FAM83E: variants seen among roughly 807,000 people sequenced by gnomAD.
FAM83E encodes protein FAM83E.
FAM83E carries 29 observed loss-of-function variants against 34.3 expected under a neutral mutation model. The observed-to-expected ratio is 0.85, with a 90% confidence interval of 0.63 to 1.15. The LOEUF (loss-of-function observed/expected upper bound fraction) is 1.15, where lower values mean the gene tolerates loss of function less well. Among genes scored for constraint, FAM83E ranks in the 50% most tolerant of loss-of-function variants. The pLI, the probability that FAM83E is intolerant of heterozygous loss-of-function variation, is 0.00. For synonymous variants in FAM83E, 312 were observed against 311.6 expected, an observed-to-expected ratio of 1.00 and a Z score of -0.01; for missense variants, 697 against 685.0, an observed-to-expected ratio of 1.02 and a Z score of -0.20.
At position 48,603,623 on chromosome 19, in the gene FAM83E, T is replaced by TGCCG; in HGVS notation, c.1043_1046dup (p.Leu350GlyfsTer4). ...GCACACTCCTTAGAATGTCACTGAG[T>TGCCG]GCCGGCCCCGGGGTAGCAGGGGAGA... On this transcript the variant is annotated frameshift_variant, in exon 6 of 7. Transcript: ENST00000263266. LOFTEE classifies it high-confidence loss of function. The TGCCG allele has an allele frequency of 5.6e-6, 8 of 1,422,272 alleles. No individual in the cohort carries two copies. Among genetic ancestry groups the TGCCG allele is most frequent in the Non-Finnish European group, 7.4e-6 (8 of 1,088,348 alleles). 88.1% of individuals were successfully genotyped at this position (1,422,272 alleles called of 1,614,324 possible).
chr19:48,603,969 C>G (rs1973882396), intron 5 of FAM83E, 58 bp from the exon 6 acceptor site: 1 of 1,540,728 alleles, frequency 6.5e-7, no homozygotes, highest in Non-Finnish European at 8.8e-7. Flanking sequence ...AGCCCGGCCC[C>G]CATCCTCAGC....
At chr19:48,605,139 G>T (rs766656352) in intron 5 of FAM83E, among the ~76,000 whole-genome samples, 5 of 152,056 alleles carry the variant, frequency 3.3e-5, no homozygotes, top group Admixed American at 6.6e-5. Flanking sequence ...GGAAAGAGAC[G>T]GAATTCACTT....
At position 48,614,334 on chromosome 19, in the gene FAM83E, G is replaced by A; in HGVS notation, c.-962C>T. 1 of 985,512 alleles carries A rather than the reference G, an allele frequency of 1.0e-6. No individual in the cohort carries two copies. Among genetic ancestry groups the A allele is most frequent in the Non-Finnish European group, 1.2e-6 (1 of 830,098 alleles). The allele number at this position is 985,512 out of a possible 1,614,324, so 61.0% of individuals were successfully genotyped here. A position where few individuals can be genotyped will look rare whatever the true frequency, so the allele number is the denominator to read the frequency against. ...CCTCAGGCTGGCTGCCCCTGCCTGG[G>A]GCCTGGCCCTGGGACCTGTTCCAGG... On this transcript the variant is annotated 5_prime_UTR_variant, in exon 3 of 7. Coordinates refer to ENST00000263266, the MANE Select transcript of FAM83E (RefSeq NM_017708.4).
intron 3 of FAM83E, among the ~76,000 whole-genome samples, chr19:48,612,213 A>T (rs1974053771): frequency 6.6e-6 from 1 of 152,098 alleles, no homozygotes; most frequent in Non-Finnish European, 1.5e-5. Context: ...AAGGCTGTGA[A>T]GTACACAGCA....
intron 6 of FAM83E, among the ~76,000 whole-genome samples, chr19:48,603,073 C>T (rs536158374): frequency 9.9e-5 from 15 of 151,672 alleles, no homozygotes; most frequent in African/African-American, 3.6e-4. Context: ...AGGCTGGTCT[C>T]GATCTCCCTG....
intron 6 of FAM83E, among the ~76,000 whole-genome samples, chr19:48,601,936 G>A (rs923311895): frequency 6.6e-6 from 1 of 151,450 alleles, no homozygotes; most frequent in Admixed American, 6.6e-5. Context: ...GAGCTCAGGA[G>A]TTCGAGACCA....
At position 48,602,707 on chromosome 19, in the gene FAM83E, ATATAT is replaced by A. The variant is rs1568417835; in HGVS notation, c.1176+782_1176+786del. On this transcript the variant is annotated intron_variant, in intron 6 of 6. Coordinates refer to ENST00000263266, the MANE Select transcript of FAM83E (RefSeq NM_017708.4). ...ATCTCAAAAAAAAAAAAAAAAAAAT[ATATAT>A]ATATATATATATATATATATATATA... Among the ~76,000 whole-genome samples, 135 of 29,124 alleles carry A rather than the reference ATATAT, an allele frequency of 4.6e-3. 7 individuals carry two copies. Among genetic ancestry groups the A allele is most frequent in the South Asian group, 0.023 (12 of 518 alleles). The allele number at this position is 29,124 out of a possible 152,430, so 19.1% of individuals were successfully genotyped here. A position where few individuals can be genotyped will look rare whatever the true frequency, so the allele number is the denominator to read the frequency against.
chr19:48,610,422 AAAG>A (rs1974020259), intron 4 of FAM83E, among the ~76,000 whole-genome samples: 1 of 151,246 alleles, frequency 6.6e-6, no homozygotes, highest in African/African-American at 2.4e-5. Flanking sequence ...AAAAAAAAAA[AAAG>A]AAGTATCTGT....
rs1206014769 is a variant in FAM83E, at chr19:48,602,154, AAAAAAAAAAAAT to A, written c.1177-797_1177-786del. ...GAGACCCTATCTCAAAAAAAAAAAA[AAAAAAAAAAAAT>A]GGGTGGAGGAGGTAAAAGAAGAGGA... On this transcript the variant is annotated intron_variant, in intron 6 of 6. Coordinates refer to ENST00000263266, the MANE Select transcript of FAM83E (RefSeq NM_017708.4). Among the ~76,000 whole-genome samples, 1,095 of 149,006 alleles carry A rather than the reference AAAAAAAAAAAAT, an allele frequency of 7.3e-3. 21 individuals carry two copies. Among genetic ancestry groups the A allele is most frequent in the African/African-American group, 0.026 (1,031 of 40,214 alleles).
chr19:48,614,474 A>G lies in FAM83E; in HGVS notation c.-1102T>C, dbSNP rs950842716. The G allele has an allele frequency of 8.1e-6, 8 of 985,192 alleles. No homozygotes were observed. The African/African-American group carries it at 1.1e-4, about 13-fold the overall frequency. 61.0% of individuals were successfully genotyped at this position (985,192 alleles called of 1,614,324 possible). On this transcript the variant is annotated 5_prime_UTR_variant, in exon 3 of 7. Transcript: ENST00000263266. Reference sequence around the variant, plus strand: ...TCTTCCCGGACAGGGGCCAGTCTCTATCTCGCCCTGTCTCCCTCCCAAGCC... The same window carrying G: ...TCTTCCCGGACAGGGGCCAGTCTCTGTCTCGCCCTGTCTCCCTCCCAAGCC...
intron 5 of FAM83E, 52 bp from the exon 6 acceptor site, chr19:48,603,963 C>T (rs568658668): frequency 6.4e-6 from 10 of 1,552,654 alleles, no homozygotes; most frequent in East Asian, 2.5e-5. Flanking sequence ...GGGCCCAGCC[C>T]GGCCCCCATC....
At position 48,603,710 on chromosome 19, in the gene FAM83E, C is replaced by T. The variant is rs1312846293; in HGVS notation, c.960G>A (p.Val320=). 2 of 1,406,314 alleles carry T rather than the reference C, an allele frequency of 1.4e-6. No homozygotes were observed. The highest frequency in any genetic ancestry group is 9.2e-7 in the Non-Finnish European group (1 of 1,081,634). The allele number at this position is 1,406,314 out of a possible 1,614,324, so 87.1% of individuals were successfully genotyped here. A position where few individuals can be genotyped will look rare whatever the true frequency, so the allele number is the denominator to read the frequency against. The change falls in exon 6 of 7, where the codon GTG becomes GTA. Residue 320 remains valine (V), a synonymous_variant. Transcript: ENST00000263266. ...CAGGCGGCGGAGGCGACGCGGGGGC[C>T]ACGGAGCGGCGGCGGGACACGCGGT... ...SPHRVSRRRS[V]APASPPPPDG...
intron 3 of FAM83E, 59 bp from the exon 4 acceptor site, chr19:48,610,906 A>C: frequency 6.6e-7 from 1 of 1,519,478 alleles, no homozygotes; most frequent in Non-Finnish European, 8.9e-7. Context: ...GGGGACACTC[A>C]GAGGGTGTGG....
intron 5 of FAM83E, 143 bp from the exon 6 acceptor site, chr19:48,604,054 G>T: frequency 1.3e-6 from 1 of 782,664 alleles, no homozygotes. Flanking sequence ...TCTGTAGAAT[G>T]GGCACAACTG....
Position 48,610,705 on chromosome 19 carries a change from A to C in FAM83E, c.608T>G (p.Leu203Arg). 6.3e-7 allele frequency: 1 copy of C among 1,577,294 alleles called. No homozygotes were observed. Among genetic ancestry groups the C allele is most frequent in the Non-Finnish European group, 8.6e-7 (1 of 1,161,774 alleles). ...LPAFLELAQQ[L>R]GVNPWNTENV... The stretch of plus-strand genomic sequence containing the variant: ...CTCCGTGTTCCAGGGGTTCACCCCC[A>C]GCTGCTGGGCCAGTTCCAGGAAGGC... The change falls in exon 4 of 7, where the codon CTG becomes CGG. Residue 203 changes from leucine to arginine, a missense_variant. Physicochemically the swap from Leu to Arg is moderately radical, Grantham distance 102. Transcript: ENST00000263266.
chr19:48,614,486 C>G lies in FAM83E; in HGVS notation c.-1114G>C. Reference sequence around the variant, plus strand: ...GGGGCCAGTCTCTATCTCGCCCTGTCTCCCTCCCAAGCCTCAGTTATCCCC... The same window carrying G: ...GGGGCCAGTCTCTATCTCGCCCTGTGTCCCTCCCAAGCCTCAGTTATCCCC... On this transcript the variant is annotated 5_prime_UTR_variant, in exon 3 of 7. Transcript: ENST00000263266. 1 of 985,582 alleles carries G rather than the reference C, an allele frequency of 1.0e-6. No homozygotes were observed. Among genetic ancestry groups the G allele is most frequent in the Non-Finnish European group, 1.2e-6 (1 of 830,064 alleles). 61.1% of individuals were successfully genotyped at this position (985,582 alleles called of 1,614,324 possible).
At chr19:48,602,309 G>C (rs542641733) in intron 6 of FAM83E, among the ~76,000 whole-genome samples, 1 of 151,162 alleles carries the variant, frequency 6.6e-6, no homozygotes, top group African/African-American at 2.4e-5. Flanking sequence ...GGAAGAGGCA[G>C]GAAGGCAGCA....
chr19:48,606,931 G>A, intron 5 of FAM83E: 1 of 1,583,974 alleles, frequency 6.3e-7, no homozygotes, highest in Non-Finnish European at 8.5e-7. Context: ...CGGGAGGTCT[G>A]GGAAGCCCAC....
At chr19:48,602,614 G>GGAGCCTTCCTTGCCTGGGACGGAGGGA (rs1189412837) in intron 6 of FAM83E, among the ~76,000 whole-genome samples, 6 of 144,358 alleles carry the variant, frequency 4.2e-5, no homozygotes, top group Non-Finnish European at 9.0e-5. Context: ...TCTCCAGCTA[G>GGAGCCTTCCTTGCCTGGGACGGAGGGA]GAGCCTTCCT....
Sources: gnomAD v4.1 joint callset for allele counts (sites outside exome capture counted in the v4.1 genomes callset) on GRCh38, gnomAD v4.1.1 for gene constraint, MANE v1.5 for transcripts, NCBI Gene and HGNC (gene_info 2026-07-23, HGNC 2026-07-21) for gene names.